ZAP70: variants seen among roughly 807,000 people sequenced by gnomAD.
The protein encoded by ZAP70 is tyrosine-protein kinase ZAP-70.
In ZAP70, 27 loss-of-function variants were observed where a neutral mutation model predicts 65.8. The observed-to-expected ratio is 0.41, with a 90% CI of 0.30 to 0.57. The LOEUF (loss-of-function observed/expected upper bound fraction) is 0.57, where lower values mean the gene tolerates loss of function less well. Ranked by LOEUF, ZAP70 falls within the 20% of genes least tolerant of loss-of-function variation. The pLI is 0.28. For synonymous variants in ZAP70, 363 were observed against 360.8 expected (o/e 1.01, Z -0.07); for missense variants, 696 against 870.5 (o/e 0.80, Z 2.52).
chr2:97,750,373 G>C, the ZAP70 span, among the ~76,000 whole-genome samples: 3 of 152,334 alleles, frequency 2.0e-5, no homozygotes, highest in South Asian at 2.1e-4. Flanking sequence ...AGCTTATTTG[G>C]GGGGTGGGTC....
chr2:97,747,915 C>CAGGA, the ZAP70 span, among the ~76,000 whole-genome samples: 128 of 133,134 alleles, frequency 9.6e-4, no homozygotes, highest in African/African-American at 3.2e-3. Flanking sequence ...AGGCTGTGGG[C>CAGGA]AGGACATGTC....
intron 4 of ZAP70, among the ~76,000 whole-genome samples, chr2:97,726,226 G>A (rs1037019469): frequency 6.6e-6 from 1 of 152,168 alleles, no homozygotes; most frequent in African/African-American, 2.4e-5. Context: ...GTTTGTTAAT[G>A]TGAAAAAAAT....
intron 2 of ZAP70, among the ~76,000 whole-genome samples, chr2:97,721,914 G>A (rs1677175967): frequency 6.6e-6 from 1 of 151,648 alleles, no homozygotes; most frequent in Non-Finnish European, 1.5e-5. Flanking sequence ...CTCCCGAGTA[G>A]CTGGAATTAC....
chr2:97,724,909 C>T (rs1252779230), intron 3 of ZAP70, 183 bp from the exon 4 acceptor site: 1 of 1,533,702 alleles, frequency 6.5e-7, no homozygotes, highest in Non-Finnish European at 8.7e-7. Flanking sequence ...GGTGGTTCCT[C>T]CCTAGCTGGA....
the ZAP70 span, among the ~76,000 whole-genome samples, chr2:97,754,464 A>G: frequency 3.3e-5 from 5 of 151,806 alleles, no homozygotes; most frequent in African/African-American, 1.2e-4. Context: ...GTGCAGTGGT[A>G]TGATCTTGGC....
At chr2:97,732,580 T>C (rs529222631) in intron 4 of ZAP70, 8 of 488,964 alleles carry the variant, frequency 1.6e-5, no homozygotes, top group African/African-American at 1.4e-4. Flanking sequence ...TGTCCCCTCC[T>C]CCGTGGCTGG....
At position 97,739,415 on chromosome 2, in the gene ZAP70, A is replaced by C. The variant is rs1678051227; in HGVS notation, c.1777A>C (p.Met593Leu). The C allele has an allele frequency of 1.2e-6, 2 of 1,613,662 alleles. No individual in the cohort carries two copies. The highest frequency in any genetic ancestry group is 1.7e-6 in the Non-Finnish European group (2 of 1,179,934). ...CGACTTCCTGACCGTGGAGCAGCGCATGCGAGCCTGTTACTACAGCCTGGC... is the reference window on the plus strand; with the variant it reads ...CGACTTCCTGACCGTGGAGCAGCGCCTGCGAGCCTGTTACTACAGCCTGGC... ...RPDFLTVEQR[M>L]RACYYSLASK... Residue 593 changes from methionine to leucine, a missense_variant, in exon 14 of 14, where the codon ATG becomes CTG. By Grantham distance (15) the Met-to-Leu change is conservative. Coordinates refer to ENST00000264972, the MANE Select transcript of ZAP70 (RefSeq NM_001079.4).
intron 2 of ZAP70, among the ~76,000 whole-genome samples, chr2:97,720,574 A>C (rs924822020): frequency 6.6e-6 from 1 of 152,160 alleles, no homozygotes; most frequent in Non-Finnish European, 1.5e-5. Flanking sequence ...CTGGTCTCAG[A>C]CTGCTGGCCC....
At chr2:97,723,776 T>G (rs1368595278) in intron 2 of ZAP70, among the ~76,000 whole-genome samples, 2 of 152,226 alleles carry the variant, frequency 1.3e-5, no homozygotes, top group Non-Finnish European at 2.9e-5. Context: ...GTTGGCGTGC[T>G]TGGGCGTCCA....
intron 2 of ZAP70, among the ~76,000 whole-genome samples, chr2:97,720,472 C>T (rs545181777): frequency 1.2e-4 from 19 of 152,150 alleles, no homozygotes; most frequent in South Asian, 2.1e-4. Context: ...TTAGGTGATC[C>T]GCCTGCCTCG....
the ZAP70 span, among the ~76,000 whole-genome samples, chr2:97,755,183 G>A: frequency 6.6e-6 from 1 of 152,214 alleles, no homozygotes; most frequent in African/African-American, 2.4e-5. Flanking sequence ...ACCAACCGAT[G>A]CGTTGTGGCG....
the ZAP70 span, among the ~76,000 whole-genome samples, chr2:97,754,710 TC>T: frequency 6.6e-6 from 1 of 152,186 alleles, no homozygotes; most frequent in Non-Finnish European, 1.5e-5. Flanking sequence ...GCCCAGTTTT[TC>T]TTTGGTTTAA....
intron 10 of ZAP70, 57 bp downstream of exon 10, chr2:97,735,513 A>G (rs1478825333): frequency 1.9e-6 from 3 of 1,568,672 alleles, no homozygotes; most frequent in Middle Eastern, 1.9e-4. Context: ...CATCCTGGGC[A>G]TGGTGGACAT....
At chr2:97,755,524 T>TTAA in the ZAP70 span, among the ~76,000 whole-genome samples, 1 of 152,220 alleles carries the variant, frequency 6.6e-6, no homozygotes, top group Admixed American at 6.5e-5. Context: ...CTAAAGCATT[T>TTAA]TAATACCAGT....
intron 2 of ZAP70, among the ~76,000 whole-genome samples, chr2:97,717,283 AG>A (rs1355443241): frequency 1.8e-5 from 1 of 54,706 alleles, no homozygotes; most frequent in Non-Finnish European, 3.8e-5. Flanking sequence ...TGGGGCGGTG[AG>A]GGGCTGGGGC....
chr2:97,752,445 C>T, the ZAP70 span, among the ~76,000 whole-genome samples: 6 of 152,232 alleles, frequency 3.9e-5, no homozygotes, highest in Admixed American at 1.3e-4. Flanking sequence ...ATGTAAAAGG[C>T]ATCAGAACTT....
intron 2 of ZAP70, 81 bp from the exon 3 acceptor site, chr2:97,723,935 C>A: frequency 6.8e-7 from 1 of 1,465,564 alleles, no homozygotes; most frequent in South Asian, 1.2e-5. Flanking sequence ...CTCCACTTGG[C>A]GTCTCTCGCG....
At position 97,733,334 on chromosome 2, in the gene ZAP70, G is replaced by A. The variant is rs200797733; in HGVS notation, c.828G>A (p.Thr276=). ...AAPTLPAHPS[T]LTHPQRRIDT... ...CCACACTCCCAGCCCACCCATCCACGTTGACTCATGTGAGTTGGGGGCACC... is the reference window on the plus strand; with the variant it reads ...CCACACTCCCAGCCCACCCATCCACATTGACTCATGTGAGTTGGGGGCACC... The change falls in exon 7 of 14, where the codon ACG becomes ACA. Residue 276 remains threonine (T), a synonymous_variant. Transcript: ENST00000264972. 235 of 1,595,062 alleles carry A rather than the reference G, an allele frequency of 1.5e-4. 1 individual carries two copies. The Middle Eastern group carries it at 1.5e-3, about 10-fold the overall frequency.
Position 97,735,526 on chromosome 2 carries a change from A to C in ZAP70, c.1289+70A>C. The C allele has an allele frequency of 1.3e-5, 20 of 1,533,444 alleles. No individual in the cohort carries two copies. The Admixed American group carries it at 3.6e-4, about 28-fold the overall frequency. 95.0% of individuals were successfully genotyped at this position (1,533,444 alleles called of 1,614,324 possible). A position where few individuals can be genotyped will look rare whatever the true frequency, so the allele number is the denominator to read the frequency against. On this transcript the variant is annotated intron_variant, in intron 10 of 13. Transcript: ENST00000264972. ...CCCATCCTGGGCATGGTGGACATGCACCCGCGTGCATGCGTGTGTGGGAAG... is the reference window on the plus strand; with the variant it reads ...CCCATCCTGGGCATGGTGGACATGCCCCCGCGTGCATGCGTGTGTGGGAAG...
Sources: allele counts gnomAD v4.1 joint callset (sites outside exome capture counted in the v4.1 genomes callset), GRCh38; gene constraint gnomAD v4.1.1; transcripts MANE v1.5; gene names NCBI Gene and HGNC (gene_info 2026-07-23, HGNC 2026-07-21).